The following PCDHA13 variants were observed in gnomAD, a reference collection of about 807,000 sequenced individuals.
PCDHA13 encodes the protein protocadherin alpha-13.
Under a neutral mutation model 64.8 loss-of-function variants are expected in PCDHA13, and 54 were observed. The observed-to-expected ratio is 0.83, with a 90% CI of 0.67 to 1.04. The LOEUF (loss-of-function observed/expected upper bound fraction) is 1.04. Ranked by LOEUF, PCDHA13 falls within the 50% of genes least tolerant of loss-of-function variation. PCDHA13 has a pLI of 0.00. For synonymous variants in PCDHA13, 587 were observed against 564.4 expected (o/e 1.04, Z -0.57); for missense variants, 1,248 against 1,254.3 (o/e 0.99, Z 0.08).
In PCDHA13 at chr5:140,927,608, G is replaced by A. The variant is rs151084513; in HGVS notation, c.2394+42946G>A. ...CCTGTATTTGAGCGCTCCGTATACC[G>A]CACCAAGGTTCCAGAGACTGCACCC... On this transcript the variant is annotated intron_variant, in intron 1 of 3. Coordinates refer to ENST00000289272, the MANE Select transcript of PCDHA13 (RefSeq NM_018904.3). The A allele has an allele frequency of 2.2e-5, 35 of 1,614,050 alleles. No homozygotes were observed. In the African/African-American group the frequency reaches 4.4e-4, roughly 20 times the overall value.
At chr5:140,998,008 T>C (rs1447849810) in intron 3 of PCDHA13, among the ~76,000 whole-genome samples, 6 of 152,128 alleles carry the variant, frequency 3.9e-5, no homozygotes, top group East Asian at 1.9e-4. Flanking sequence ...GAGCCTTCCA[T>C]CCCCACCTCG....
intron 3 of PCDHA13, among the ~76,000 whole-genome samples, chr5:141,001,099 C>A (rs1554258004): frequency 6.6e-6 from 1 of 151,694 alleles, no homozygotes; most frequent in African/African-American, 2.4e-5. Context: ...CTGTCTAATC[C>A]ATAATAAGCA....
Position 140,968,677 on chromosome 5 carries a change from G to A in PCDHA13, c.2395-10272G>A, listed in dbSNP as rs781795184. The A allele has an allele frequency of 5.0e-6, 8 of 1,614,156 alleles. No individual in the cohort carries two copies. In the South Asian group the frequency reaches 8.8e-5, roughly 18 times the overall value. ...ACCTGGACCTCTTTAAGGTAGAGCTGCACACAGGAGAAATTAGGACTACCA... is the reference window on the plus strand; with the variant it reads ...ACCTGGACCTCTTTAAGGTAGAGCTACACACAGGAGAAATTAGGACTACCA... On this transcript the variant is annotated intron_variant, in intron 1 of 3. Coordinates refer to ENST00000289272, the MANE Select transcript of PCDHA13 (RefSeq NM_018904.3).
intron 3 of PCDHA13, among the ~76,000 whole-genome samples, chr5:140,997,899 G>T (rs2097789789): frequency 6.6e-6 from 1 of 152,126 alleles, no homozygotes; most frequent in Non-Finnish European, 1.5e-5. Context: ...TAAATTTCAA[G>T]AAGTAGAATT....
At chr5:140,945,125 T>G (rs405192) in intron 1 of PCDHA13, among the ~76,000 whole-genome samples, 86,337 of 151,830 alleles carry the variant, frequency 0.57, 25,231 homozygotes, top group African/African-American at 0.71. Flanking sequence ...AAAAATCAAC[T>G]TACAAAAATC....
chr5:140,891,861 T>C (rs1346164388), intron 1 of PCDHA13, among the ~76,000 whole-genome samples: 1 of 152,174 alleles, frequency 6.6e-6, no homozygotes, highest in Non-Finnish European at 1.5e-5. Context: ...GTCCCTCTCT[T>C]ATGCTTTTGG....
intron 1 of PCDHA13, among the ~76,000 whole-genome samples, chr5:140,970,633 A>G (rs2096420540): frequency 6.6e-6 from 1 of 152,210 alleles, no homozygotes; most frequent in Admixed American, 6.5e-5. Context: ...AAAATTTTGT[A>G]CCATAAATAG....
intron 1 of PCDHA13, among the ~76,000 whole-genome samples, chr5:140,936,813 T>C (rs1299896116): frequency 6.6e-6 from 1 of 152,216 alleles, no homozygotes; most frequent in Non-Finnish European, 1.5e-5. Flanking sequence ...TTAGCTATTT[T>C]TGGCCCTTTG....
Position 140,925,082 on chromosome 5 carries a change from A to AAAGGAAGG in PCDHA13, c.2394+40438_2394+40445dup, listed in dbSNP as rs138596875. 2.5e-3 allele frequency among the ~76,000 whole-genome samples: 363 copies of AAAGGAAGG among 147,386 alleles called. 3 individuals carry two copies. The highest frequency in any genetic ancestry group is 8.0e-3 in the African/African-American group (310 of 38,948). ...GCAACAAAGCAACACGCTCATCTGG[A>AAAGGAAGG]AAGGAAGGAAGGAAGGAAGGAAGGA... On this transcript the variant is annotated intron_variant, in intron 1 of 3. Transcript: ENST00000289272.
intron 3 of PCDHA13, among the ~76,000 whole-genome samples, chr5:140,995,413 C>T (rs1554254672): frequency 6.6e-6 from 1 of 152,176 alleles, no homozygotes; most frequent in East Asian, 1.9e-4. Flanking sequence ...GATTTCATCA[C>T]ATTACTCAGA....
At chr5:140,998,881 T>C (rs892142070) in intron 3 of PCDHA13, among the ~76,000 whole-genome samples, 13 of 152,224 alleles carry the variant, frequency 8.5e-5, no homozygotes, top group Admixed American at 2.6e-4. Flanking sequence ...ATAAGTTTAG[T>C]TGAATAAATA....
At chr5:140,896,894 T>A (rs1317627647) in intron 1 of PCDHA13, among the ~76,000 whole-genome samples, 6 of 152,208 alleles carry the variant, frequency 3.9e-5, no homozygotes, top group Admixed American at 2.0e-4. Context: ...TGAGACATTT[T>A]GATACAAGCA....
At chr5:140,956,363 A>G (rs938643620) in intron 1 of PCDHA13, among the ~76,000 whole-genome samples, 2 of 152,026 alleles carry the variant, frequency 1.3e-5, no homozygotes, top group African/African-American at 4.8e-5. Context: ...ACATGAAGGG[A>G]TGTTGAATTT....
Position 141,010,344 on chromosome 5 carries a change from G to C in PCDHA13, c.*407G>C. ...CAGCTTGGGAGTTTGTGGCCACTGG[G>C]TATGTGTGGCTACCGCGGGTATGCG... is the stretch of plus-strand genomic sequence containing the variant. On this transcript the variant is annotated 3_prime_UTR_variant, in exon 4 of 4. Transcript: ENST00000289272. 1 of 1,518,888 alleles carries C rather than the reference G, an allele frequency of 6.6e-7. No homozygotes were observed. Among genetic ancestry groups the C allele is most frequent in the Non-Finnish European group, 8.8e-7 (1 of 1,132,764 alleles). The allele number at this position is 1,518,888 out of a possible 1,614,324, so 94.1% of individuals were successfully genotyped here.
rs2059015707 is a variant in PCDHA13 at position 140,882,237 on chromosome 5, T to C, written c.-32T>C. 13 of 1,582,128 alleles carry C rather than the reference T, an allele frequency of 8.2e-6. No homozygotes were observed. The highest frequency in any genetic ancestry group is 1.1e-5 in the Non-Finnish European group (13 of 1,163,408). On this transcript the variant is annotated 5_prime_UTR_variant, in exon 1 of 4. Coordinates refer to ENST00000289272, the MANE Select transcript of PCDHA13 (RefSeq NM_018904.3). ...GTTTGAGGTAAGGCGTTGTATATAT[T>C]GCAGATAGCTCTGAGGTTTTTGGAG...
At chr5:140,925,124 A>AGGAAGG (rs1554202565) in intron 1 of PCDHA13, among the ~76,000 whole-genome samples, 1 of 151,852 alleles carries the variant, frequency 6.6e-6, no homozygotes, top group South Asian at 2.1e-4. Context: ...GAAGGAAGGA[A>AGGAAGG]AAAAAATTTC....
At chr5:140,957,726 A>T (rs1297510940) in intron 1 of PCDHA13, among the ~76,000 whole-genome samples, 4 of 152,164 alleles carry the variant, frequency 2.6e-5, no homozygotes, top group Non-Finnish European at 5.9e-5. Flanking sequence ...AAGAAGCAGA[A>T]TTATATATAC....
chr5:140,903,958 T>G (rs960235173), intron 1 of PCDHA13, among the ~76,000 whole-genome samples: 1 of 152,236 alleles, frequency 6.6e-6, no homozygotes, highest in Non-Finnish European at 1.5e-5. Context: ...GAAAATTATT[T>G]GTTGATTTTT....
At chr5:140,949,181 A>G (rs2094350223) in intron 1 of PCDHA13, among the ~76,000 whole-genome samples, 2 of 151,604 alleles carry the variant, frequency 1.3e-5, no homozygotes, top group Non-Finnish European at 3.0e-5. Context: ...CAGAGAACAT[A>G]CTCTGCATGA....
Sources: gnomAD v4.1 joint callset for allele counts (sites outside exome capture counted in the v4.1 genomes callset) on GRCh38, gnomAD v4.1.1 for gene constraint, MANE v1.5 for transcripts, NCBI Gene and HGNC (gene_info 2026-07-23, HGNC 2026-07-21) for gene names.